The following HPSE2 variants were observed in gnomAD, a reference collection of about 807,000 sequenced individuals.
HPSE2 encodes inactive heparanase-2.
A neutral mutation model predicts 60.5 loss-of-function variants in HPSE2; 38 were observed. That is an observed-to-expected ratio of 0.63 (90% CI 0.48 to 0.82). The LOEUF (loss-of-function observed/expected upper bound fraction) is 0.82, where lower values mean the gene tolerates loss of function less well. Ranked by LOEUF, HPSE2 falls within the 40% of genes least tolerant of loss-of-function variation. The probability of loss-of-function intolerance (pLI) is 0.00; values close to 1 mark genes in which losing one functional copy is unlikely to be tolerated. For synonymous variants in HPSE2, 295 were observed against 293.2 expected (o/e 1.01, Z -0.06); for missense variants, 713 against 740.4 (o/e 0.96, Z 0.43).
intron 2 of HPSE2, among the ~76,000 whole-genome samples, chr10:99,229,805 C>T (rs1419942106): frequency 6.6e-6 from 1 of 152,140 alleles, no homozygotes; most frequent in Non-Finnish European, 1.5e-5. Context: ...TGCCTTTATG[C>T]CCAAGTGCTT....
chr10:98,684,428 A>G (rs566370002), intron 6 of HPSE2, among the ~76,000 whole-genome samples: 1 of 151,542 alleles, frequency 6.6e-6, no homozygotes, highest in Non-Finnish European at 1.5e-5. Flanking sequence ...AAATAGAGAT[A>G]GTTAATAAAT....
At chr10:99,095,202 A>G (rs1843678407) in intron 3 of HPSE2, among the ~76,000 whole-genome samples, 1 of 152,094 alleles carries the variant, frequency 6.6e-6, no homozygotes, top group Non-Finnish European at 1.5e-5. Flanking sequence ...GAAAAAAAAA[A>G]GAAAAGAAAA....
intron 3 of HPSE2, among the ~76,000 whole-genome samples, chr10:98,868,643 A>G (rs1952654767): frequency 6.6e-6 from 1 of 152,296 alleles, no homozygotes; most frequent in African/African-American, 2.4e-5. Context: ...ATGTATCTAC[A>G]AAAGTTAAAA....
At chr10:98,462,198 A>AGAT (rs1182177604) in intron 11 of HPSE2, among the ~76,000 whole-genome samples, 1 of 152,052 alleles carries the variant, frequency 6.6e-6, no homozygotes, top group African/African-American at 2.4e-5. Context: ...TATTTTTTTG[A>AGAT]GATGGAGTCT....
At chr10:99,049,068 T>C (rs147949211) in intron 3 of HPSE2, among the ~76,000 whole-genome samples, 62 of 152,126 alleles carry the variant, frequency 4.1e-4, no homozygotes, top group Non-Finnish European at 6.5e-4. Flanking sequence ...ATAAACACTG[T>C]AGACTACTAG....
At chr10:98,680,425 C>T (rs1947754479) in intron 6 of HPSE2, among the ~76,000 whole-genome samples, 1 of 152,048 alleles carries the variant, frequency 6.6e-6, no homozygotes, top group Admixed American at 6.6e-5. Flanking sequence ...ATTTGACTCT[C>T]ATGGTTTGTA....
chr10:99,049,170 T>A (rs1305068128), intron 3 of HPSE2, among the ~76,000 whole-genome samples: 1 of 152,144 alleles, frequency 6.6e-6, no homozygotes, highest in Non-Finnish European at 1.5e-5. Flanking sequence ...ATACAAGAAA[T>A]CTGCACATGT....
At chr10:98,730,154 T>A (rs1271479824) in intron 4 of HPSE2, among the ~76,000 whole-genome samples, 1 of 152,178 alleles carries the variant, frequency 6.6e-6, no homozygotes, top group Non-Finnish European at 1.5e-5. Flanking sequence ...GGATGTGCTT[T>A]AATCACAATA....
At chr10:98,895,761 AATG>A (rs556516608) in intron 3 of HPSE2, among the ~76,000 whole-genome samples, 85 of 151,396 alleles carry the variant, frequency 5.6e-4, no homozygotes, top group African/African-American at 1.9e-3. Context: ...AGCCATAAAA[AATG>A]ATGAGTTCAT....
At chr10:98,494,763 T>C (rs1051798085) in intron 9 of HPSE2, among the ~76,000 whole-genome samples, 1 of 152,212 alleles carries the variant, frequency 6.6e-6, no homozygotes, top group Admixed American at 6.5e-5. Context: ...AAATACATTA[T>C]TCTCATAAAT....
At chr10:99,191,564 G>A (rs1298646838) in intron 2 of HPSE2, among the ~76,000 whole-genome samples, 13 of 152,212 alleles carry the variant, frequency 8.5e-5, no homozygotes, top group South Asian at 2.1e-4. Flanking sequence ...TACTTGGCTT[G>A]GGGTGCCCCC....
At position 99,177,679 on chromosome 10, in the gene HPSE2, T is replaced by G. The variant is rs533165491; in HGVS notation, c.449-33280A>C. ...CTCCCACATGATAATAGTGGGAGAC[T>G]TTAACACCCCACTGTCAATATTAGA... is the stretch of plus-strand genomic sequence containing the variant. On this transcript the variant is annotated intron_variant, in intron 2 of 11. Transcript: ENST00000370552. 1.4e-3 allele frequency among the ~76,000 whole-genome samples: 209 copies of G among 152,232 alleles called. 3 individuals are homozygous for G. Among genetic ancestry groups the G allele is most frequent in the African/African-American group, 5.0e-3 (206 of 41,548 alleles).
At chr10:98,475,696 G>A (rs914861008) in intron 11 of HPSE2, among the ~76,000 whole-genome samples, 1 of 141,782 alleles carries the variant, frequency 7.1e-6, no homozygotes, top group Non-Finnish European at 1.5e-5. Context: ...CAAATCTAGA[G>A]TCATTGCTGG....
intron 7 of HPSE2, among the ~76,000 whole-genome samples, chr10:98,622,156 A>C (rs1452954929): frequency 6.6e-6 from 1 of 152,218 alleles, no homozygotes; most frequent in African/African-American, 2.4e-5. Flanking sequence ...CAGTTAAAAC[A>C]ATAAAGTCAA....
chr10:99,287,861 T>G, the HPSE2 span, among the ~76,000 whole-genome samples: 1 of 152,148 alleles, frequency 6.6e-6, no homozygotes, highest in Non-Finnish European at 1.5e-5. Context: ...GGAGTAAAAA[T>G]AGTTTATACT....
At chr10:98,742,829 A>G (rs1415978363) in intron 4 of HPSE2, among the ~76,000 whole-genome samples, 1 of 151,420 alleles carries the variant, frequency 6.6e-6, no homozygotes, top group East Asian at 1.9e-4. Context: ...TTTAATGATT[A>G]AACAGGACTG....
At chr10:98,989,296 C>A (rs958497038) in intron 3 of HPSE2, among the ~76,000 whole-genome samples, 2 of 152,266 alleles carry the variant, frequency 1.3e-5, no homozygotes, top group African/African-American at 4.8e-5. Flanking sequence ...CACATATACA[C>A]CATCGAATAC....
chr10:99,280,540 C>G, the HPSE2 span, among the ~76,000 whole-genome samples: 16 of 152,138 alleles, frequency 1.1e-4, no homozygotes, highest in Admixed American at 9.2e-4. Context: ...AAGCTAACAA[C>G]GACAGAATTT....
At chr10:98,470,837 G>C (rs1396456525) in intron 11 of HPSE2, among the ~76,000 whole-genome samples, 2 of 55,348 alleles carry the variant, frequency 3.6e-5, no homozygotes, top group African/African-American at 3.4e-4. Context: ...CAGCTACGCA[G>C]AGAGTTTCCA....
Sources: allele counts gnomAD v4.1 joint callset (sites outside exome capture counted in the v4.1 genomes callset), GRCh38; gene constraint gnomAD v4.1.1; transcripts MANE v1.5; gene names NCBI Gene and HGNC (gene_info 2026-07-23, HGNC 2026-07-21).